AGBL4: variants seen among roughly 807,000 people sequenced by gnomAD.
The protein encoded by AGBL4 is AGBL carboxypeptidase 4.
AGBL4 carries 58 observed loss-of-function variants against 66.4 expected under a neutral mutation model. The observed-to-expected ratio is 0.87, with a 90% CI of 0.71 to 1.09. The LOEUF (loss-of-function observed/expected upper bound fraction) is 1.09. Among genes scored for constraint, AGBL4 ranks in the 50% least tolerant of loss-of-function variants. AGBL4 has a pLI of 0.00. For missense variants in AGBL4, 579 were observed against 631.0 expected, an observed-to-expected ratio of 0.92 and a Z score of 0.88; for synonymous variants, 234 against 222.9, an observed-to-expected ratio of 1.05 and a Z score of -0.44.
intron 2 of AGBL4, among the ~76,000 whole-genome samples, chr1:49,839,348 G>A (rs1172961311): frequency 6.6e-6 from 1 of 152,046 alleles, no homozygotes; most frequent in Admixed American, 6.6e-5. Context: ...TATTTCTCCA[G>A]CAGAATTTCT....
chr1:48,676,849 C>A (rs1646373804), intron 6 of AGBL4, among the ~76,000 whole-genome samples: 1 of 152,184 alleles, frequency 6.6e-6, no homozygotes, highest in Admixed American at 6.5e-5. Context: ...ACTGCCCCCA[C>A]CAAGATTCTA....
chr1:48,528,075 C>G (rs1643889085), downstream of AGBL4, among the ~76,000 whole-genome samples: 1 of 152,130 alleles, frequency 6.6e-6, no homozygotes, highest in Admixed American at 6.5e-5. Flanking sequence ...CACAACAAAC[C>G]TGCCAATAGG....
intron 2 of AGBL4, among the ~76,000 whole-genome samples, chr1:49,752,891 C>A (rs1651588238): frequency 6.6e-6 from 1 of 152,154 alleles, no homozygotes; most frequent in South Asian, 2.1e-4. Flanking sequence ...AGGATTGCAA[C>A]CCCTGCTTTT....
At chr1:49,381,762 G>A (rs558494053) in intron 3 of AGBL4, among the ~76,000 whole-genome samples, 300 of 148,714 alleles carry the variant, frequency 2.0e-3, no homozygotes, top group Non-Finnish European at 2.9e-3. Flanking sequence ...AACCAAACAC[G>A]GTATATTCTC....
chr1:49,741,255 A>G (rs1650433760), intron 2 of AGBL4, among the ~76,000 whole-genome samples: 1 of 152,250 alleles, frequency 6.6e-6, no homozygotes, highest in Non-Finnish European at 1.5e-5. Context: ...AACTACCATC[A>G]GAGAATACTA....
intron 2 of AGBL4, among the ~76,000 whole-genome samples, chr1:49,823,374 T>A (rs1020480751): frequency 6.6e-6 from 1 of 152,170 alleles, no homozygotes; most frequent in Admixed American, 6.5e-5. Context: ...CTTGGAAGAA[T>A]ATCATGGGCC....
chr1:49,671,087 AC>A (rs1209335586), intron 3 of AGBL4, among the ~76,000 whole-genome samples: 1 of 152,202 alleles, frequency 6.6e-6, no homozygotes, highest in Admixed American at 6.6e-5. Context: ...TTTAAACTAT[AC>A]TACAAAGCTA....
At chr1:49,802,869 C>T (rs1644895467) in intron 2 of AGBL4, among the ~76,000 whole-genome samples, 1 of 152,138 alleles carries the variant, frequency 6.6e-6, no homozygotes, top group Non-Finnish European at 1.5e-5. Context: ...TAATCTTCTA[C>T]CAATATGTCT....
At chr1:49,877,467 A>G (rs1388300665) in intron 1 of AGBL4, among the ~76,000 whole-genome samples, 1 of 150,678 alleles carries the variant, frequency 6.6e-6, no homozygotes. Flanking sequence ...ACATTTATTG[A>G]TTTGCGTATA....
chr1:49,034,273 G>T (rs1026568293), intron 5 of AGBL4, among the ~76,000 whole-genome samples: 3 of 152,126 alleles, frequency 2.0e-5, no homozygotes, highest in Admixed American at 6.6e-5. Flanking sequence ...ACACATAAGA[G>T]ATACTAAAAA....
At chr1:49,335,273 G>A (rs906526801) in intron 3 of AGBL4, among the ~76,000 whole-genome samples, 1 of 151,990 alleles carries the variant, frequency 6.6e-6, no homozygotes, top group African/African-American at 2.4e-5. Flanking sequence ...TCATGTTGAC[G>A]CAACCATAAA....
intron 3 of AGBL4, among the ~76,000 whole-genome samples, chr1:49,300,207 G>C (rs954127758): frequency 6.6e-6 from 1 of 152,072 alleles, no homozygotes; most frequent in African/African-American, 2.4e-5. Flanking sequence ...TTTTGATCTA[G>C]TCCATAATTG....
intron 4 of AGBL4, among the ~76,000 whole-genome samples, chr1:49,084,420 G>A (rs1309678808): frequency 6.6e-6 from 1 of 152,208 alleles, no homozygotes; most frequent in Admixed American, 6.5e-5. Context: ...GAGTCCTCAT[G>A]ATCATGGCAG....
chr1:49,255,882 C>A (rs545393760), intron 3 of AGBL4, among the ~76,000 whole-genome samples: 1 of 152,076 alleles, frequency 6.6e-6, no homozygotes. Context: ...GAGCTGGAGA[C>A]CATTTTCCTT....
At chr1:49,090,419 C>T (rs1371877830) in intron 4 of AGBL4, among the ~76,000 whole-genome samples, 2 of 152,096 alleles carry the variant, frequency 1.3e-5, no homozygotes, top group Non-Finnish European at 2.9e-5. Flanking sequence ...GTACAATAAT[C>T]AGTAGCATTT....
At chr1:48,912,929 T>G (rs1259871160) in intron 5 of AGBL4, among the ~76,000 whole-genome samples, 1 of 152,030 alleles carries the variant, frequency 6.6e-6, no homozygotes, top group Non-Finnish European at 1.5e-5. Flanking sequence ...CTAAAGGAAG[T>G]AGCATATAAA....
chr1:48,614,782 C>T (rs1645292665), intron 9 of AGBL4, among the ~76,000 whole-genome samples: 1 of 152,020 alleles, frequency 6.6e-6, no homozygotes, highest in South Asian at 2.1e-4. Flanking sequence ...ATACAAGAGA[C>T]ATACAAACAA....
chr1:48,591,094 C>CCCCCG (rs1644911690), intron 9 of AGBL4, 109 bp from the exon 10 acceptor site: 1 of 751,834 alleles, frequency 1.3e-6, no homozygotes, highest in Non-Finnish European at 2.0e-6. Context: ...CCACCCACCC[C>CCCCCG]CCCCCACACA....
At chr1:49,740,456 C>T (rs1391509317) in intron 2 of AGBL4, among the ~76,000 whole-genome samples, 4 of 152,118 alleles carry the variant, frequency 2.6e-5, no homozygotes, top group East Asian at 1.9e-4. Flanking sequence ...TAATGGGAGA[C>T]TTTAACACCC....
Sources: gnomAD v4.1 joint callset for allele counts (sites outside exome capture counted in the v4.1 genomes callset) on GRCh38, gnomAD v4.1.1 for gene constraint, MANE v1.5 for transcripts, NCBI Gene and HGNC (gene_info 2026-07-23, HGNC 2026-07-21) for gene names.